The following SH2D4A variants were observed in gnomAD, a reference collection of about 807,000 sequenced individuals.
SH2D4A encodes the protein SH2 domain-containing protein 4A.
SH2D4A carries 70 observed loss-of-function variants against 64.7 expected under a neutral mutation model. The observed-to-expected ratio is 1.08, with a 90% confidence interval of 0.89 to 1.32. The LOEUF is 1.32. SH2D4A is among the 40% of genes most tolerant of loss of function. The pLI, the probability that SH2D4A is intolerant of heterozygous loss-of-function variation, is 0.00. For synonymous variants in SH2D4A, 268 were observed against 200.7 expected, an observed-to-expected ratio of 1.34 and a Z score of -2.83; for missense variants, 706 against 540.1, an observed-to-expected ratio of 1.31 and a Z score of -3.04.
At chr8:19,378,132 AT>A in intron 8 of SH2D4A, among the ~76,000 whole-genome samples, 1 of 152,198 alleles carries the variant, frequency 6.6e-6, no homozygotes, top group Middle Eastern at 3.4e-3. Flanking sequence ...TAATGAATTG[AT>A]TTTTTATATT....
intron 7 of SH2D4A, 84 bp downstream of exon 7, chr8:19,364,366 G>A: frequency 2.7e-6 from 4 of 1,482,812 alleles, no homozygotes; most frequent in Non-Finnish European, 3.7e-6. Context: ...AATTGTATGA[G>A]CTGCCATGGG....
intron 2 of SH2D4A, among the ~76,000 whole-genome samples, chr8:19,320,842 T>C (rs1454911798): frequency 6.6e-6 from 1 of 152,154 alleles, no homozygotes; most frequent in African/African-American, 2.4e-5. Context: ...TCTTTTCATG[T>C]TTCATTAAAC....
intron 4 of SH2D4A, among the ~76,000 whole-genome samples, chr8:19,338,891 C>T (rs921477599): frequency 3.3e-5 from 5 of 152,078 alleles, no homozygotes; most frequent in African/African-American, 1.2e-4. Flanking sequence ...AGGGACAGGA[C>T]TAATAGGATA....
intron 6 of SH2D4A, among the ~76,000 whole-genome samples, chr8:19,363,131 G>C: frequency 6.6e-6 from 1 of 151,954 alleles, no homozygotes; most frequent in East Asian, 1.9e-4. Context: ...GCTGGAGTGC[G>C]ATGGTGTGAT....
intron 2 of SH2D4A, among the ~76,000 whole-genome samples, chr8:19,321,204 ATT>A (rs55936925): frequency 1.3e-5 from 2 of 150,698 alleles, no homozygotes; most frequent in East Asian, 2.0e-4. Flanking sequence ...AGAGAAGTTC[ATT>A]TTTTTTTTTG....
Position 19,332,961 on chromosome 8 carries a change from G to A in SH2D4A, c.188G>A (p.Gly63Asp), listed in dbSNP as rs867070024. 1 of 1,609,432 alleles carries A rather than the reference G, an allele frequency of 6.2e-7. No individual in the cohort carries two copies. The highest frequency in any genetic ancestry group is 8.5e-7 in the Non-Finnish European group (1 of 1,178,998). ...TTTGTGTGTTTGTTTGCAGAGAATG[G>A]CAAATCGGTTCATTGGAAACTTGGA... ...PVKPRPKKEN[G>D]KSVHWKLGAD... Residue 63 changes from glycine (G) to aspartate (D), a missense_variant, in exon 3 of 10, where the codon GGC becomes GAC. By Grantham distance (94) the Gly-to-Asp change is moderately conservative (BLOSUM62 -1). Coordinates refer to ENST00000265807, the MANE Select transcript of SH2D4A (RefSeq NM_022071.4).
At chr8:19,389,624 G>A (rs927441830) in intron 8 of SH2D4A, among the ~76,000 whole-genome samples, 1 of 152,190 alleles carries the variant, frequency 6.6e-6, no homozygotes, top group African/African-American at 2.4e-5. Flanking sequence ...GGCTGCCAGA[G>A]TTCTGCCAGT....
chr8:19,347,875 A>G (rs2052636607), intron 4 of SH2D4A, among the ~76,000 whole-genome samples: 1 of 152,030 alleles, frequency 6.6e-6, no homozygotes, highest in South Asian at 2.1e-4. Context: ...TTACCTCTCC[A>G]CCTCCACCAC....
intron 9 of SH2D4A, among the ~76,000 whole-genome samples, chr8:19,393,758 A>G (rs544965698): frequency 1.3e-5 from 2 of 152,308 alleles, no homozygotes; most frequent in South Asian, 4.1e-4. Context: ...AGGGAACCCC[A>G]CTGGGGCAGA....
intron 8 of SH2D4A, among the ~76,000 whole-genome samples, chr8:19,383,150 G>T (rs1311148625): frequency 1.4e-5 from 2 of 145,304 alleles, no homozygotes; most frequent in Non-Finnish European, 3.0e-5. Flanking sequence ...TACTCTCTCT[G>T]CCCCCTTCTC....
At chr8:19,324,588 C>G (rs563339449) in intron 2 of SH2D4A, among the ~76,000 whole-genome samples, 1 of 152,274 alleles carries the variant, frequency 6.6e-6, no homozygotes, top group Non-Finnish European at 1.5e-5. Flanking sequence ...CTTGGTGTCT[C>G]TCTCTTGGAG....
At chr8:19,366,302 T>G (rs993658688) in intron 7 of SH2D4A, among the ~76,000 whole-genome samples, 3 of 152,174 alleles carry the variant, frequency 2.0e-5, no homozygotes, top group African/African-American at 7.2e-5. Context: ...TTCTTTGTGG[T>G]GAGAACATTC....
chr8:19,322,021 G>T (rs1453888935), intron 2 of SH2D4A, among the ~76,000 whole-genome samples: 6 of 152,272 alleles, frequency 3.9e-5, no homozygotes, highest in African/African-American at 1.4e-4. Context: ...AGTGGGGAAA[G>T]TTCTATCAAT....
chr8:19,365,819 A>G (rs2052984095), intron 7 of SH2D4A, among the ~76,000 whole-genome samples: 1 of 152,136 alleles, frequency 6.6e-6, no homozygotes, highest in Non-Finnish European at 1.5e-5. Flanking sequence ...CGGCTCCTAC[A>G]GTGTCTGTGG....
At chr8:19,378,498 C>T (rs1481897535) in intron 8 of SH2D4A, among the ~76,000 whole-genome samples, 2 of 152,210 alleles carry the variant, frequency 1.3e-5, no homozygotes, top group Non-Finnish European at 2.9e-5. Context: ...TGCAGTGGCA[C>T]GATCTTGGCA....
At chr8:19,333,136 C>A (rs2052390887) in intron 3 of SH2D4A, 22 bp downstream of exon 3, 3 of 1,598,004 alleles carry the variant, frequency 1.9e-6, no homozygotes, top group Non-Finnish European at 2.6e-6. Context: ...GCAAACCAAC[C>A]AGAGACTTAA....
At chr8:19,332,284 T>A (rs976135421) in intron 2 of SH2D4A, among the ~76,000 whole-genome samples, 1 of 152,132 alleles carries the variant, frequency 6.6e-6, no homozygotes, top group Admixed American at 6.6e-5. Context: ...TCTGTTACCC[T>A]AAAGGATAAT....
intron 8 of SH2D4A, among the ~76,000 whole-genome samples, chr8:19,389,372 C>G (rs146433470): frequency 1.3e-5 from 2 of 152,196 alleles, no homozygotes; most frequent in African/African-American, 4.8e-5. Context: ...CCCCTAAACA[C>G]ATGTGGCTTT....
chr8:19,351,073 C>G (rs914823501), intron 4 of SH2D4A, among the ~76,000 whole-genome samples: 1 of 152,108 alleles, frequency 6.6e-6, no homozygotes, highest in Non-Finnish European at 1.5e-5. Context: ...TTCTTTATAA[C>G]TTTATTGAAG....
Sources: gnomAD v4.1 joint callset for allele counts (sites outside exome capture counted in the v4.1 genomes callset) on GRCh38, gnomAD v4.1.1 for gene constraint, MANE v1.5 for transcripts, NCBI Gene and HGNC (gene_info 2026-07-23, HGNC 2026-07-21) for gene names.